Variants in MBD5 observed in about 807,000 individuals in gnomAD.
MBD5 encodes the protein methyl-CpG binding domain protein 5, also known as methyl-CpG-binding domain protein 5.
Under a neutral mutation model 117.3 loss-of-function variants are expected in MBD5, and 13 were observed. That is an observed-to-expected ratio of 0.11 (90% CI 0.07 to 0.18). MBD5 has a LOEUF of 0.18. Ranked by LOEUF, MBD5 falls within the 10% of genes least tolerant of loss-of-function variation. The pLI is 1.00. For synonymous variants in MBD5, 727 were observed against 766.4 expected (o/e 0.95, Z 0.85); for missense variants, 1,879 against 2,093.8 (o/e 0.90, Z 2.00).
Position 148,490,483 on chromosome 2 carries a change from T to C in MBD5, c.4851T>C (p.Asn1617=). 1.2e-6 allele frequency: 2 copies of C among 1,614,210 alleles called. No individual in the cohort carries two copies. Among genetic ancestry groups the C allele is most frequent in the Non-Finnish European group, 1.7e-6 (2 of 1,180,038 alleles). Residue 1617 remains asparagine (N), a synonymous_variant, in exon 11 of 14, where the codon AAT becomes AAC. Transcript: ENST00000642680. ...ELIHYRPRTF[N]VGDLVWGQIK... ...TACATTATAGACCAAGGACGTTCAATGTTGGCGACTTGGTCTGGGGCCAAA... is the reference window on the plus strand; with the variant it reads ...TACATTATAGACCAAGGACGTTCAACGTTGGCGACTTGGTCTGGGGCCAAA...
At chr2:148,409,401 GAA>G (rs1705185311) in intron 4 of MBD5, among the ~76,000 whole-genome samples, 1 of 146,764 alleles carries the variant, frequency 6.8e-6, no homozygotes, top group Admixed American at 6.9e-5. Context: ...AAAAAAGAAA[GAA>G]AGAAAGAAAG....
At chr2:148,240,266 G>C (rs888776888) in intron 3 of MBD5, among the ~76,000 whole-genome samples, 2 of 152,172 alleles carry the variant, frequency 1.3e-5, no homozygotes, top group African/African-American at 2.4e-5. Context: ...GGGGCCTGTC[G>C]TGAGGCAGGG....
At chr2:148,073,756 AAAAT>A (rs1481793484) in intron 1 of MBD5, among the ~76,000 whole-genome samples, 3 of 152,196 alleles carry the variant, frequency 2.0e-5, no homozygotes, top group African/African-American at 4.8e-5. Flanking sequence ...GAGATTGAGA[AAAAT>A]AAATCACCCA....
At chr2:148,188,150 G>A (rs1698715258) in intron 2 of MBD5, among the ~76,000 whole-genome samples, 1 of 152,110 alleles carries the variant, frequency 6.6e-6, no homozygotes, top group Non-Finnish European at 1.5e-5. Context: ...TTGGATTAGG[G>A]ATTCTCAATC....
chr2:148,287,128 C>T (rs1204870566), intron 3 of MBD5, among the ~76,000 whole-genome samples: 1 of 152,110 alleles, frequency 6.6e-6, no homozygotes, highest in Non-Finnish European at 1.5e-5. Flanking sequence ...TCCTTTCAAA[C>T]ACCCATTGAA....
intron 2 of MBD5, among the ~76,000 whole-genome samples, chr2:148,197,094 T>C (rs1375662294): frequency 2.6e-5 from 4 of 152,188 alleles, no homozygotes; most frequent in Non-Finnish European, 5.9e-5. Flanking sequence ...ATTTGGCTTC[T>C]TTGACCAATA....
intron 1 of MBD5, among the ~76,000 whole-genome samples, chr2:148,135,181 G>T (rs952298143): frequency 6.6e-6 from 1 of 152,160 alleles, no homozygotes; most frequent in Admixed American, 6.5e-5. Flanking sequence ...TTAATCTTTA[G>T]AATATAGGAA....
At chr2:148,323,115 G>A (rs185207748) in intron 3 of MBD5, among the ~76,000 whole-genome samples, 1,679 of 151,646 alleles carry the variant, frequency 0.011, 15 homozygotes, top group Middle Eastern at 0.021. Context: ...TTGTTCTTGC[G>A]ATAGTTTACT....
At chr2:148,205,025 T>C (rs1699241870) in intron 2 of MBD5, among the ~76,000 whole-genome samples, 1 of 152,086 alleles carries the variant, frequency 6.6e-6, no homozygotes, top group African/African-American at 2.4e-5. Flanking sequence ...ATATACCACT[T>C]CTACCTGTTT....
intron 1 of MBD5, among the ~76,000 whole-genome samples, chr2:148,088,423 T>C (rs952158605): frequency 7.9e-5 from 12 of 152,014 alleles, no homozygotes; most frequent in African/African-American, 2.9e-4. Context: ...TTATCCAAAG[T>C]CAAGACAAAG....
intron 4 of MBD5, among the ~76,000 whole-genome samples, chr2:148,454,532 T>A (rs1047956657): frequency 6.6e-6 from 1 of 152,114 alleles, no homozygotes; most frequent in Non-Finnish European, 1.5e-5. Flanking sequence ...CATATAACAG[T>A]AAAATATTGT....
chr2:148,342,796 A>G (rs1702981588), intron 4 of MBD5, among the ~76,000 whole-genome samples: 2 of 151,888 alleles, frequency 1.3e-5, no homozygotes. Context: ...TTTTAGATTC[A>G]GGGGGTACAT....
chr2:148,040,782 A>G (rs1041803193), intron 1 of MBD5, among the ~76,000 whole-genome samples: 2 of 152,106 alleles, frequency 1.3e-5, no homozygotes, highest in Admixed American at 1.3e-4. Context: ...TGGAATAACT[A>G]TTCTTGGCCC....
chr2:148,366,939 G>A (rs902956061), intron 4 of MBD5, among the ~76,000 whole-genome samples: 7 of 152,024 alleles, frequency 4.6e-5, no homozygotes, highest in African/African-American at 1.7e-4. Flanking sequence ...TCCCCATTAA[G>A]CTACCATTGA....
intron 2 of MBD5, among the ~76,000 whole-genome samples, chr2:148,197,879 T>G (rs1699037929): frequency 6.8e-6 from 1 of 147,356 alleles, no homozygotes; most frequent in Non-Finnish European, 1.5e-5. Context: ...AATGGTATGA[T>G]CTCGCCTAAC....
intron 3 of MBD5, among the ~76,000 whole-genome samples, chr2:148,322,230 T>C (rs778743898): frequency 6.6e-6 from 1 of 152,226 alleles, no homozygotes; most frequent in Non-Finnish European, 1.5e-5. Context: ...ACTAAAGTAT[T>C]TGAATGTAAA....
chr2:148,099,027 C>G (rs1261402056), intron 1 of MBD5, among the ~76,000 whole-genome samples: 1 of 152,062 alleles, frequency 6.6e-6, no homozygotes, highest in Admixed American at 6.6e-5. Context: ...TGTACTCCAG[C>G]CTGGGTGACA....
At chr2:148,265,897 G>T (rs1341729005) in intron 3 of MBD5, among the ~76,000 whole-genome samples, 1 of 151,362 alleles carries the variant, frequency 6.6e-6, no homozygotes, top group African/African-American at 2.4e-5. Flanking sequence ...ATGTGAGGTG[G>T]CAGGCTGGGG....
At chr2:148,390,602 G>A (rs964017015) in intron 4 of MBD5, among the ~76,000 whole-genome samples, 1 of 150,626 alleles carries the variant, frequency 6.6e-6, no homozygotes, top group African/African-American at 2.4e-5. Flanking sequence ...TTGAGATGGG[G>A]TCTCACTCTG....
Sources: gnomAD v4.1 joint callset for allele counts (sites outside exome capture counted in the v4.1 genomes callset) on GRCh38, gnomAD v4.1.1 for gene constraint, MANE v1.5 for transcripts, NCBI Gene and HGNC (gene_info 2026-07-23, HGNC 2026-07-21) for gene names.